The following DOCK9 variants were observed in gnomAD, a reference collection of about 807,000 sequenced individuals.
DOCK9 encodes dedicator of cytokinesis protein 9.
DOCK9 carries 89 observed loss-of-function variants against 263.3 expected under a neutral mutation model. The observed-to-expected ratio is 0.34, with a 90% confidence interval of 0.28 to 0.40. The LOEUF (loss-of-function observed/expected upper bound fraction) is 0.40, where lower values mean the gene tolerates loss of function less well. Ranked by LOEUF, DOCK9 falls within the 10% of genes least tolerant of loss-of-function variation. DOCK9 has a pLI of 1.00. For missense variants in DOCK9, 2,140 were observed against 2,603.4 expected, an observed-to-expected ratio of 0.82 and a Z score of 3.87; for synonymous variants, 976 against 973.1, an observed-to-expected ratio of 1.00 and a Z score of -0.06.
upstream of DOCK9, among the ~76,000 whole-genome samples, chr13:98,979,180 A>ATAGTAGTAGTAG (rs56125832): frequency 6.0e-3 from 796 of 132,780 alleles, 3 homozygotes; most frequent in African/African-American, 7.5e-3. Context: ...AGCAGCAGCA[A>ATAGTAGTAGTAG]TAGTAGTAGT....
intron 2 of DOCK9, chr13:98,949,947 T>C (rs1391232827): frequency 2.0e-6 from 1 of 488,900 alleles, no homozygotes; most frequent in African/African-American, 2.0e-5. Context: ...TGCTGTGCTG[T>C]CTGTCAGAGG....
chr13:98,915,538 A>G, intron 7 of DOCK9, 35 bp from the exon 8 acceptor site: 3 of 1,572,936 alleles, frequency 1.9e-6, no homozygotes, highest in Non-Finnish European at 2.6e-6. Flanking sequence ...ACATACTTTA[A>G]AAGAATTAGA....
chr13:98,917,657 T>TC (rs1364132137), intron 7 of DOCK9, among the ~76,000 whole-genome samples: 4 of 151,810 alleles, frequency 2.6e-5, no homozygotes, highest in Admixed American at 6.6e-5. Flanking sequence ...TTTTTTTTTT[T>TC]CGGCAGGGCG....
chr13:99,086,866 C>G (rs1271984997), upstream of DOCK9, among the ~76,000 whole-genome samples: 1 of 151,500 alleles, frequency 6.6e-6, no homozygotes, highest in South Asian at 2.1e-4. Context: ...GGGTCGGGGC[C>G]GCCTCCGCCC....
intron 9 of DOCK9, among the ~76,000 whole-genome samples, chr13:98,909,458 G>A (rs1385500518): frequency 6.6e-6 from 1 of 152,198 alleles, no homozygotes; most frequent in African/African-American, 2.4e-5. Context: ...TTCTGAGGAT[G>A]AATTATCAGA....
intron 1 of DOCK9, among the ~76,000 whole-genome samples, chr13:99,061,820 A>T (rs1450766150): frequency 6.6e-6 from 1 of 151,650 alleles, no homozygotes; most frequent in Admixed American, 6.6e-5. Context: ...CCTATAATAA[A>T]CATGTATTGC....
intron 45 of DOCK9, among the ~76,000 whole-genome samples, chr13:98,814,983 A>C (rs548473330): frequency 0.028 from 2,406 of 86,016 alleles, 89 homozygotes; most frequent in East Asian, 0.12. Flanking sequence ...AATAAAATAA[A>C]ATAAAATAAA....
rs185899125 is a variant in DOCK9, at chr13:99,038,407, C to T, written c.129+47816G>A. On this transcript the variant is annotated intron_variant, in intron 1 of 32. Transcript: ENST00000427887. ...GCAACCTCTGCCTCCTGGGTTCAAG[C>T]GATTCTCCTGCCTCAGCCTCCCGAG... is the stretch of plus-strand genomic sequence containing the variant. Among the ~76,000 whole-genome samples, 480 of 146,028 alleles carry T rather than the reference C, an allele frequency of 3.3e-3. 3 individuals carry two copies. Among genetic ancestry groups the T allele is most frequent in the African/African-American group, 0.011 (452 of 39,350 alleles).
At chr13:98,876,113 C>T (rs1236695076) in intron 27 of DOCK9, among the ~76,000 whole-genome samples, 3 of 152,156 alleles carry the variant, frequency 2.0e-5, no homozygotes, top group Non-Finnish European at 4.4e-5. Flanking sequence ...CTTTAATTGG[C>T]ACTGAAAGCA....
At chr13:99,030,610 G>A (rs901280337) in intron 1 of DOCK9, among the ~76,000 whole-genome samples, 4 of 152,210 alleles carry the variant, frequency 2.6e-5, no homozygotes, top group African/African-American at 9.6e-5. Flanking sequence ...ATTCTCTCTT[G>A]TGAAGAAACA....
chr13:98,961,674 C>T (rs867054846), intron 1 of DOCK9, among the ~76,000 whole-genome samples: 3 of 151,768 alleles, frequency 2.0e-5, no homozygotes, highest in African/African-American at 4.9e-5. Flanking sequence ...ACTATCAGTG[C>T]CTCAGGGCAG....
intron 1 of DOCK9, among the ~76,000 whole-genome samples, chr13:99,010,020 G>A (rs1038572736): frequency 6.6e-6 from 1 of 151,544 alleles, no homozygotes; most frequent in African/African-American, 2.4e-5. Context: ...AAAAGAGAGA[G>A]AAATATTAAT....
At chr13:98,833,940 T>C (rs1360298771) in intron 39 of DOCK9, among the ~76,000 whole-genome samples, 1 of 152,208 alleles carries the variant, frequency 6.6e-6, no homozygotes, top group African/African-American at 2.4e-5. Flanking sequence ...CTCAGAAATA[T>C]CCACAGATAA....
intron 2 of DOCK9, among the ~76,000 whole-genome samples, chr13:98,930,549 C>A (rs1361859316): frequency 6.6e-6 from 1 of 152,228 alleles, no homozygotes; most frequent in Non-Finnish European, 1.5e-5. Context: ...GTCCCTAACA[C>A]CCCACCCCTA....
At chr13:99,075,532 C>CT (rs2041874608) in intron 1 of DOCK9, among the ~76,000 whole-genome samples, 1 of 151,418 alleles carries the variant, frequency 6.6e-6, no homozygotes, top group African/African-American at 2.4e-5. Context: ...TTTTTCTTTC[C>CT]TTTTTTTCTT....
chr13:99,058,835 C>T lies in DOCK9; in HGVS notation c.129+27388G>A, dbSNP rs555224077. Among the ~76,000 whole-genome samples, 10 of 152,322 alleles carry T rather than the reference C, an allele frequency of 6.6e-5. No homozygotes were observed. In the East Asian group the frequency reaches 1.7e-3, roughly 26 times the overall value. ...GAGCCCTGCTTTGGGGACATCTCTG[C>T]AGCACCCATGGCCCTTACCAAAGCC... On this transcript the variant is annotated intron_variant, in intron 1 of 32. Transcript: ENST00000427887.
intron 1 of DOCK9, among the ~76,000 whole-genome samples, chr13:99,005,227 A>C (rs988552021): frequency 6.6e-6 from 1 of 152,236 alleles, no homozygotes; most frequent in African/African-American, 2.4e-5. Context: ...CAAACCTACA[A>C]ATATAATTAA....
intron 2 of DOCK9, among the ~76,000 whole-genome samples, chr13:98,946,064 G>C (rs938263140): frequency 2.6e-5 from 4 of 152,160 alleles, no homozygotes; most frequent in African/African-American, 2.4e-5. Context: ...AAAGAGGCCA[G>C]TGTGGCTGCA....
intron 1 of DOCK9, among the ~76,000 whole-genome samples, chr13:99,033,994 T>C (rs1484222243): frequency 6.6e-6 from 1 of 152,196 alleles, no homozygotes; most frequent in Non-Finnish European, 1.5e-5. Context: ...TCATGAAATA[T>C]ATTCAAACCA....
Sources: gnomAD v4.1 joint callset for allele counts (sites outside exome capture counted in the v4.1 genomes callset) on GRCh38, gnomAD v4.1.1 for gene constraint, MANE v1.5 for transcripts, NCBI Gene and HGNC (gene_info 2026-07-23, HGNC 2026-07-21) for gene names.